The following FOXP1 variants were observed in gnomAD, a reference collection of about 807,000 sequenced individuals.
The protein encoded by FOXP1 is forkhead box P1, also known as forkhead box protein P1.
In FOXP1, 15 loss-of-function variants were observed where a neutral mutation model predicts 98.2. The ratio of observed to expected loss-of-function variants is 0.15; its 90% confidence interval spans 0.10 to 0.24. The LOEUF is 0.24. Among genes scored for constraint, FOXP1 ranks in the 10% least tolerant of loss-of-function variants. The probability of loss-of-function intolerance (pLI) is 1.00; values close to 1 mark genes in which losing one functional copy is unlikely to be tolerated. For missense variants in FOXP1, 633 were observed against 848.5 expected (o/e 0.75, Z 3.15); for synonymous variants, 371 against 314.5 (o/e 1.18, Z -1.90).
At chr3:71,228,691 T>C (rs1470548109) in intron 5 of FOXP1, among the ~76,000 whole-genome samples, 1 of 152,218 alleles carries the variant, frequency 6.6e-6, no homozygotes, top group Non-Finnish European at 1.5e-5. Context: ...CAATGAATCT[T>C]AATGAATTGG....
rs2042585734 is a variant in FOXP1, at chr3:71,516,426, T to C, written c.-297-22871A>G. ...AATTCTTGCATTATTCTTGCAACTA[T>C]CTGTGTTAAGTTTGCAATTATACCA... On this transcript the variant is annotated intron_variant, in intron 2 of 20. Coordinates refer to ENST00000649528, the MANE Select transcript of FOXP1 (RefSeq NM_001349338.3). Among the ~76,000 whole-genome samples, 3 of 152,332 alleles carry C rather than the reference T, an allele frequency of 2.0e-5. No individual in the cohort carries two copies. The South Asian group carries it at 6.2e-4, about 32-fold the overall frequency.
intron 4 of FOXP1, 77 bp from the exon 5 acceptor site, chr3:71,299,957 A>T (rs2073704108): frequency 6.6e-6 from 1 of 152,650 alleles, no homozygotes; most frequent in South Asian, 2.1e-4. Context: ...AGACACAAGG[A>T]AAACAACAAA....
At chr3:71,471,093 G>A (rs1219241433) in intron 3 of FOXP1, among the ~76,000 whole-genome samples, 4 of 152,082 alleles carry the variant, frequency 2.6e-5, no homozygotes, top group Non-Finnish European at 5.9e-5. Flanking sequence ...CTGTTTCCTT[G>A]CTTGGACAAA....
chr3:71,466,901 T>A (rs1266737412), intron 3 of FOXP1, among the ~76,000 whole-genome samples: 1 of 152,232 alleles, frequency 6.6e-6, no homozygotes, highest in Non-Finnish European at 1.5e-5. Flanking sequence ...GTGATACTTA[T>A]CCTTGGATAC....
intron 2 of FOXP1, among the ~76,000 whole-genome samples, chr3:71,560,374 C>T (rs937077587): frequency 2.6e-5 from 4 of 152,130 alleles, no homozygotes; most frequent in Non-Finnish European, 5.9e-5. Context: ...TCATTAATAC[C>T]TTACCAAGCT....
At chr3:71,198,119 C>T (rs771473568) in intron 6 of FOXP1, 83 bp downstream of exon 6, 14 of 1,612,954 alleles carry the variant, frequency 8.7e-6, no homozygotes, top group Admixed American at 6.7e-5. Flanking sequence ...AAACACTGAT[C>T]GCGAGATCGC....
intron 11 of FOXP1, among the ~76,000 whole-genome samples, chr3:71,024,696 G>A (rs1306226281): frequency 6.6e-6 from 1 of 152,124 alleles, no homozygotes; most frequent in Non-Finnish European, 1.5e-5. Context: ...ACTTGCAATT[G>A]GAGTGACTGT....
chr3:71,124,790 C>T (rs1301582190), intron 6 of FOXP1, among the ~76,000 whole-genome samples: 1 of 152,182 alleles, frequency 6.6e-6, no homozygotes, highest in Non-Finnish European at 1.5e-5. Flanking sequence ...ATTATTATAT[C>T]TATAACACAC....
intron 4 of FOXP1, among the ~76,000 whole-genome samples, chr3:71,319,742 T>C (rs1334016726): frequency 6.6e-6 from 1 of 152,168 alleles, no homozygotes; most frequent in African/African-American, 2.4e-5. Flanking sequence ...CCCTCCCTTC[T>C]TCTCAAACAG....
At chr3:71,559,491 A>G (rs1293078565) in intron 2 of FOXP1, among the ~76,000 whole-genome samples, 7 of 152,154 alleles carry the variant, frequency 4.6e-5, no homozygotes, top group Non-Finnish European at 7.3e-5. Context: ...GGTAGGCAAT[A>G]AAGCAAGAAT....
At chr3:71,508,120 T>C (rs1481408698) in intron 2 of FOXP1, among the ~76,000 whole-genome samples, 1 of 152,238 alleles carries the variant, frequency 6.6e-6, no homozygotes, top group Admixed American at 6.5e-5. Flanking sequence ...CTGCTGCCTA[T>C]AAACTTATTA....
intron 6 of FOXP1, among the ~76,000 whole-genome samples, chr3:71,160,134 C>T (rs1386412916): frequency 1.3e-5 from 2 of 152,222 alleles, no homozygotes; most frequent in East Asian, 1.9e-4. Flanking sequence ...ATCCTCACCA[C>T]GCTGTTCTTG....
intron 6 of FOXP1, among the ~76,000 whole-genome samples, chr3:71,115,959 A>G (rs1575791551): frequency 6.7e-6 from 1 of 150,164 alleles, no homozygotes; most frequent in South Asian, 2.1e-4. Flanking sequence ...CTAGTCTTGA[A>G]CTCCTGACCT....
At position 71,366,867 on chromosome 3, in the gene FOXP1, AT is replaced by A. The variant is rs1045367395; in HGVS notation, c.-167-7624del. Among the ~76,000 whole-genome samples, 11 of 152,186 alleles carry A rather than the reference AT, an allele frequency of 7.2e-5. 1 individual carries two copies. ...TAATGAGATTCCCTAAATAAATTAA[AT>A]TTTCATACTTTAAGCCTTTACAAGA... is the stretch of plus-strand genomic sequence containing the variant. On this transcript the variant is annotated intron_variant, in intron 3 of 20. Coordinates refer to ENST00000649528, the MANE Select transcript of FOXP1 (RefSeq NM_001349338.3).
intron 4 of FOXP1, among the ~76,000 whole-genome samples, chr3:71,336,725 A>C (rs962630382): frequency 3.9e-5 from 6 of 152,246 alleles, no homozygotes; most frequent in Admixed American, 2.0e-4. Context: ...GGATCTAGGC[A>C]GTAAGGATTA....
chr3:71,545,273 TTGTC>T (rs1410562377), intron 2 of FOXP1, among the ~76,000 whole-genome samples: 1 of 152,180 alleles, frequency 6.6e-6, no homozygotes, highest in Non-Finnish European at 1.5e-5. Flanking sequence ...AAGTCACAGT[TTGTC>T]TGGGCCTAAT....
chr3:71,527,204 C>T (rs374565658), intron 2 of FOXP1, among the ~76,000 whole-genome samples: 5 of 152,124 alleles, frequency 3.3e-5, no homozygotes, highest in East Asian at 3.9e-4. Context: ...CCAGAGCAGC[C>T]AGTCAAAACA....
At chr3:70,963,122 T>C (rs992425601) in intron 20 of FOXP1, among the ~76,000 whole-genome samples, 5 of 152,158 alleles carry the variant, frequency 3.3e-5, no homozygotes, top group African/African-American at 1.2e-4. Context: ...CCAAAATTCA[T>C]GAGGATTATT....
chr3:71,396,168 A>T (rs2081357548), intron 3 of FOXP1, among the ~76,000 whole-genome samples: 1 of 151,862 alleles, frequency 6.6e-6, no homozygotes, highest in South Asian at 2.1e-4. Context: ...CTGCTACCGG[A>T]CTACACAGAA....
Sources: gnomAD v4.1 joint callset for allele counts (sites outside exome capture counted in the v4.1 genomes callset) on GRCh38, gnomAD v4.1.1 for gene constraint, MANE v1.5 for transcripts, NCBI Gene and HGNC (gene_info 2026-07-23, HGNC 2026-07-21) for gene names.